Variants in NECAB1 observed in about 807,000 individuals in gnomAD.
NECAB1 encodes the protein N-terminal EF-hand calcium binding protein 1.
NECAB1 carries 29 observed loss-of-function variants against 57.5 expected under a neutral mutation model. The observed-to-expected ratio is 0.50, with a 90% CI of 0.38 to 0.69. The LOEUF is 0.69. Ranked by LOEUF, NECAB1 falls within the 30% of genes least tolerant of loss-of-function variation. The pLI is 0.00. For missense variants in NECAB1, 372 were observed against 413.8 expected (o/e 0.90, Z 0.88); for synonymous variants, 142 against 147.7 (o/e 0.96, Z 0.28).
At chr8:90,861,096 G>A (rs777292524) in intron 3 of NECAB1, among the ~76,000 whole-genome samples, 2 of 152,156 alleles carry the variant, frequency 1.3e-5, no homozygotes, top group Non-Finnish European at 2.9e-5. Context: ...ATAACATTCG[G>A]TAACAGTCAA....
rs544573168 is a variant in NECAB1, at chr8:90,840,343, C to G, written c.233+15518C>G. On this transcript the variant is annotated intron_variant, in intron 3 of 12. Coordinates refer to ENST00000417640, the MANE Select transcript of NECAB1 (RefSeq NM_022351.5). ...AACTTACTTAATCTTTACAACAGATCTATGATTGACCACATTTTGCACATA... is the reference window on the plus strand; with the variant it reads ...AACTTACTTAATCTTTACAACAGATGTATGATTGACCACATTTTGCACATA... Among the ~76,000 whole-genome samples the G allele has an allele frequency of 4.6e-5, 7 of 152,302 alleles. No individual in the cohort carries two copies. In the South Asian group the frequency reaches 1.5e-3, roughly 32 times the overall value.
intron 12 of NECAB1, 83 bp downstream of exon 12, chr8:90,951,287 T>C: frequency 1.3e-6 from 1 of 740,974 alleles, no homozygotes; most frequent in East Asian, 2.9e-5. Context: ...TGCTCTTTCC[T>C]TCTATATTTT....
At chr8:90,865,307 C>A (rs1808492782) in intron 3 of NECAB1, among the ~76,000 whole-genome samples, 2 of 152,072 alleles carry the variant, frequency 1.3e-5, no homozygotes, top group African/African-American at 4.8e-5. Flanking sequence ...TAATTTGCCC[C>A]AGAATTAGAG....
chr8:90,906,874 C>CATATATAT lies in NECAB1; in HGVS notation c.358-10617_358-10616insTATATATA, dbSNP rs1290352726. Among the ~76,000 whole-genome samples, 78 of 42,632 alleles carry CATATATAT rather than the reference C, an allele frequency of 1.8e-3. 1 individual carries two copies. Among genetic ancestry groups the CATATATAT allele is most frequent in the African/African-American group, 0.014 (64 of 4,684 alleles). 28.0% of individuals were successfully genotyped at this position (42,632 alleles called of 152,430 possible). ...CCACCTTTTCCTTACATATGATATA[C>CATATATAT]ACATATATATATATATATATATATA... On this transcript the variant is annotated intron_variant, in intron 5 of 12. Transcript: ENST00000417640.
intron 12 of NECAB1, among the ~76,000 whole-genome samples, chr8:90,955,144 A>ATATATATC (rs1811007891): frequency 7.3e-6 from 1 of 136,150 alleles, no homozygotes; most frequent in East Asian, 2.1e-4. Flanking sequence ...ATATATATAT[A>ATATATATC]TATATGGCCT....
At chr8:90,851,657 G>A (rs759792905) in intron 3 of NECAB1, among the ~76,000 whole-genome samples, 1 of 152,102 alleles carries the variant, frequency 6.6e-6, no homozygotes, top group Non-Finnish European at 1.5e-5. Flanking sequence ...GCAAAATGGA[G>A]TGAAAGATAC....
At chr8:90,814,158 G>A (rs964341683) in intron 2 of NECAB1, among the ~76,000 whole-genome samples, 1 of 152,166 alleles carries the variant, frequency 6.6e-6, no homozygotes, top group East Asian at 1.9e-4. Flanking sequence ...AGGAGTACTA[G>A]GTCTGCTATT....
chr8:90,842,268 G>A (rs1812468062), intron 3 of NECAB1, among the ~76,000 whole-genome samples: 1 of 152,148 alleles, frequency 6.6e-6, no homozygotes, highest in African/African-American at 2.4e-5. Flanking sequence ...CCTCCTAAAA[G>A]GTCCATCCAC....
intron 5 of NECAB1, among the ~76,000 whole-genome samples, chr8:90,906,876 C>CATATATATATATATATAT (rs57808023): frequency 4.1e-5 from 5 of 121,752 alleles, no homozygotes; most frequent in South Asian, 5.4e-4. Flanking sequence ...ATGATATACA[C>CATATATATATATATATAT]ATATATATAT....
chr8:90,915,413 T>G (rs576047898), intron 5 of NECAB1, among the ~76,000 whole-genome samples: 2 of 152,136 alleles, frequency 1.3e-5, no homozygotes, highest in African/African-American at 2.4e-5. Flanking sequence ...AATTAAATAT[T>G]TGGAATATTT....
At chr8:90,890,649 A>G (rs1361971207) in intron 5 of NECAB1, among the ~76,000 whole-genome samples, 1 of 152,180 alleles carries the variant, frequency 6.6e-6, no homozygotes, top group East Asian at 1.9e-4. Flanking sequence ...TTAATATTAA[A>G]TATGGTCACC....
chr8:90,859,504 G>A (rs756255863), intron 3 of NECAB1, among the ~76,000 whole-genome samples: 1 of 152,156 alleles, frequency 6.6e-6, no homozygotes, highest in Non-Finnish European at 1.5e-5. Context: ...AGAGGAGTAG[G>A]TCAACAAGAA....
intron 3 of NECAB1, among the ~76,000 whole-genome samples, chr8:90,846,799 G>A (rs544890464): frequency 1.1e-4 from 17 of 152,098 alleles, no homozygotes; most frequent in Admixed American, 2.0e-4. Context: ...CCATCAGATC[G>A]CAAGACTATT....
chr8:90,891,546 AT>A (rs1327626018), intron 5 of NECAB1, among the ~76,000 whole-genome samples: 2 of 152,106 alleles, frequency 1.3e-5, no homozygotes, highest in Non-Finnish European at 2.9e-5. Context: ...ATATAAAAAA[AT>A]GTAATAGAAC....
intron 5 of NECAB1, among the ~76,000 whole-genome samples, chr8:90,887,967 G>A (rs919672654): frequency 6.6e-6 from 1 of 152,090 alleles, no homozygotes. Flanking sequence ...GTCAACTGCT[G>A]GTGTACCCCA....
chr8:90,807,520 T>C (rs1002169604), intron 2 of NECAB1, among the ~76,000 whole-genome samples: 3 of 152,160 alleles, frequency 2.0e-5, no homozygotes, highest in Non-Finnish European at 4.4e-5. Flanking sequence ...GGAATAAAGC[T>C]GCCCTTTGAT....
chr8:90,912,293 A>G (rs913087489), intron 5 of NECAB1, among the ~76,000 whole-genome samples: 9 of 152,160 alleles, frequency 5.9e-5, no homozygotes, highest in African/African-American at 1.9e-4. Flanking sequence ...CTGATATGAG[A>G]CAGAACAATA....
intron 8 of NECAB1, among the ~76,000 whole-genome samples, chr8:90,932,436 C>T (rs1188029417): frequency 1.3e-5 from 2 of 151,872 alleles, no homozygotes; most frequent in Middle Eastern, 3.2e-3. Context: ...ATCCATGAAA[C>T]AAGATAATAT....
intron 9 of NECAB1, among the ~76,000 whole-genome samples, chr8:90,939,077 AAC>A (rs764390587): frequency 2.6e-5 from 4 of 152,204 alleles, no homozygotes; most frequent in Non-Finnish European, 5.9e-5. Flanking sequence ...GTTTTATTGT[AAC>A]ACAGCCACAC....
Sources: allele counts gnomAD v4.1 joint callset (sites outside exome capture counted in the v4.1 genomes callset), GRCh38; gene constraint gnomAD v4.1.1; transcripts MANE v1.5; gene names NCBI Gene and HGNC (gene_info 2026-07-23, HGNC 2026-07-21).